ZNF804A: variants seen among roughly 807,000 people sequenced by gnomAD.
The protein encoded by ZNF804A is zinc finger protein 804A.
Under a neutral mutation model 16.5 loss-of-function variants are expected in ZNF804A, and 2 were observed. The observed-to-expected ratio is 0.12, with a 90% CI of 0.05 to 0.38. The LOEUF is 0.38. Among genes scored for constraint, ZNF804A ranks in the 10% least tolerant of loss-of-function variants. The pLI is 0.99. For synonymous variants in ZNF804A, 534 were observed against 489.6 expected, an observed-to-expected ratio of 1.09 and a Z score of -1.20; for missense variants, 1,473 against 1,390.7, an observed-to-expected ratio of 1.06 and a Z score of -0.94.
intron 1 of ZNF804A, among the ~76,000 whole-genome samples, chr2:184,619,660 T>G (rs1461293564): frequency 6.6e-6 from 1 of 152,012 alleles, no homozygotes; most frequent in East Asian, 1.9e-4. Flanking sequence ...ACCTCCATTT[T>G]ATGGATGAAA....
In ZNF804A at chr2:184,668,819, A is replaced by G. The variant is rs72899941; in HGVS notation, c.111+69749A>G. ...AGGATATATTATGTCTATGGAAATA[A>G]TAAGTATAATTTATGAATTTAATTC... On this transcript the variant is annotated intron_variant, in intron 1 of 3. Transcript: ENST00000302277. 6.5e-3 allele frequency among the ~76,000 whole-genome samples: 983 copies of G among 152,136 alleles called. 7 individuals are homozygous for G. The highest frequency in any genetic ancestry group is 0.011 in the Non-Finnish European group (744 of 67,896).
chr2:184,808,486 G>A (rs965085656), intron 1 of ZNF804A, among the ~76,000 whole-genome samples: 1 of 151,504 alleles, frequency 6.6e-6, no homozygotes, highest in East Asian at 1.9e-4. Flanking sequence ...TATATTGAAA[G>A]CGAGATACAG....
rs747839327 is a variant in ZNF804A at position 184,937,313 on chromosome 2, A to G, written c.1917A>G (p.Ser639=). Reference sequence around the variant, plus strand: ...GGAAATATCTATTGGAACCAATTTCAGAAAAGCAGTATTTAGCTGCAGAGC... The same window carrying G: ...GGAAATATCTATTGGAACCAATTTCGGAAAAGCAGTATTTAGCTGCAGAGC... ...NAGKYLLEPI[S]EKQYLAAEQL... Residue 639 remains serine (S), a synonymous_variant, in exon 4 of 4, where the codon TCA becomes TCG. Coordinates refer to ENST00000302277, the MANE Select transcript of ZNF804A (RefSeq NM_194250.2). 5 of 1,613,890 alleles carry G rather than the reference A, an allele frequency of 3.1e-6. No homozygotes were observed. The highest frequency in any genetic ancestry group is 4.2e-6 in the Non-Finnish European group (5 of 1,179,948).
chr2:184,601,058 C>G (rs1360117764), intron 1 of ZNF804A, among the ~76,000 whole-genome samples: 1 of 152,070 alleles, frequency 6.6e-6, no homozygotes, highest in Non-Finnish European at 1.5e-5. Flanking sequence ...GCTAGTCCTT[C>G]CAGATGATTT....
chr2:184,776,744 C>T (rs186556389), intron 1 of ZNF804A, among the ~76,000 whole-genome samples: 1 of 151,358 alleles, frequency 6.6e-6, no homozygotes, highest in Non-Finnish European at 1.5e-5. Context: ...GGAACTAGTA[C>T]CCCAGGGATT....
intron 1 of ZNF804A, among the ~76,000 whole-genome samples, chr2:184,742,031 G>A (rs1196045346): frequency 6.6e-6 from 1 of 151,692 alleles, no homozygotes; most frequent in Non-Finnish European, 1.5e-5. Context: ...TTTATTTTAT[G>A]TTTAGTTTTA....
intron 2 of ZNF804A, among the ~76,000 whole-genome samples, chr2:184,870,005 A>T (rs1695949302): frequency 6.6e-6 from 1 of 151,524 alleles, no homozygotes; most frequent in South Asian, 2.1e-4. Flanking sequence ...CTTTGTTTGA[A>T]TTTTTTTTTA....
At chr2:184,718,406 C>T (rs1437795347) in intron 1 of ZNF804A, among the ~76,000 whole-genome samples, 1 of 152,080 alleles carries the variant, frequency 6.6e-6, no homozygotes, top group Non-Finnish European at 1.5e-5. Context: ...TCATGCCTTC[C>T]CAAGAGTCCC....
intron 1 of ZNF804A, among the ~76,000 whole-genome samples, chr2:184,610,787 C>A (rs1691224092): frequency 6.6e-6 from 1 of 152,138 alleles, no homozygotes; most frequent in Non-Finnish European, 1.5e-5. Flanking sequence ...CCCAATTTAG[C>A]AAGAAAGTCT....
At chr2:184,935,758 C>T in intron 3 of ZNF804A, 25 bp from the exon 4 acceptor site, 1 of 1,541,742 alleles carries the variant, frequency 6.5e-7, no homozygotes, top group Non-Finnish European at 8.7e-7. Flanking sequence ...TGCTATTTAA[C>T]ACATGCTTCT....
rs1262315935 is a variant in ZNF804A at position 184,938,079 on chromosome 2, A to T, written c.2683A>T (p.Thr895Ser). Residue 895 changes from threonine (T) to serine (S), a missense_variant, in exon 4 of 4, where the codon ACT (threonine) becomes TCT (serine). Thr to Ser is a moderately conservative substitution (Grantham distance 58). Transcript: ENST00000302277. ...NLLPSETNGETEHLEMETTSG... is the reference protein window; with the variant it reads ...NLLPSETNGESEHLEMETTSG... ...CCTTCCTTCTGAAACCAATGGTGAAACTGAGCATTTAGAAATGGAGACCAC... is the reference window on the plus strand; with the variant it reads ...CCTTCCTTCTGAAACCAATGGTGAATCTGAGCATTTAGAAATGGAGACCAC... The T allele has an allele frequency of 3.1e-6, 5 of 1,613,994 alleles. No homozygotes were observed. The African/African-American group carries it at 6.7e-5, about 22-fold the overall frequency.
intron 2 of ZNF804A, among the ~76,000 whole-genome samples, chr2:184,900,447 A>G (rs1464190346): frequency 6.6e-6 from 1 of 152,180 alleles, no homozygotes; most frequent in African/African-American, 2.4e-5. Context: ...AGACAGGGGT[A>G]GATCACCACA....
At chr2:184,812,268 C>G (rs1365278786) in intron 1 of ZNF804A, among the ~76,000 whole-genome samples, 4 of 152,228 alleles carry the variant, frequency 2.6e-5, no homozygotes, top group African/African-American at 4.8e-5. Context: ...TCGCCAACCA[C>G]ACATTGTCTG....
At chr2:184,893,774 T>C (rs528370824) in intron 2 of ZNF804A, among the ~76,000 whole-genome samples, 43 of 152,118 alleles carry the variant, frequency 2.8e-4, no homozygotes, top group Non-Finnish European at 5.3e-4. Context: ...GAGATATCAT[T>C]GATGAGAGTG....
rs916984545 is a variant in ZNF804A at position 184,937,525 on chromosome 2, A to G, written c.2129A>G (p.His710Arg). The G allele has an allele frequency of 6.8e-6, 11 of 1,612,314 alleles. No individual in the cohort carries two copies. The highest frequency in any genetic ancestry group is 1.3e-5 in the African/African-American group (1 of 74,940). The change falls in exon 4 of 4, where the codon CAT becomes CGT. Residue 710 changes from histidine (H) to arginine (R), a missense_variant. Transcript: ENST00000302277. ...GGACAATCAAATGCAACAATGATAC[A>G]TTCTGGGAAACATAATTTAACATAT... ...LNGQSNATMI[H>R]SGKHNLTYSR...
At chr2:184,856,040 G>A (rs980732396) in intron 1 of ZNF804A, among the ~76,000 whole-genome samples, 4 of 151,850 alleles carry the variant, frequency 2.6e-5, no homozygotes, top group Non-Finnish European at 5.9e-5. Flanking sequence ...CTGAAGCAAG[G>A]TGATAATAAT....
chr2:184,612,140 T>A (rs1321750874), intron 1 of ZNF804A, among the ~76,000 whole-genome samples: 1 of 152,196 alleles, frequency 6.6e-6, no homozygotes, highest in Non-Finnish European at 1.5e-5. Context: ...AAAGGTCAAC[T>A]GTGATGATAG....
At chr2:184,680,468 C>T (rs1021256544) in intron 1 of ZNF804A, among the ~76,000 whole-genome samples, 2 of 152,220 alleles carry the variant, frequency 1.3e-5, no homozygotes, top group Non-Finnish European at 2.9e-5. Context: ...TGGGTCTCCT[C>T]ACTGCTGAGA....
intron 1 of ZNF804A, among the ~76,000 whole-genome samples, chr2:184,648,389 A>G (rs1056083452): frequency 2.0e-5 from 3 of 152,210 alleles, no homozygotes; most frequent in Non-Finnish European, 2.9e-5. Flanking sequence ...ACTTCTTGAT[A>G]GGATAAAAAT....
Sources: allele counts gnomAD v4.1 joint callset (sites outside exome capture counted in the v4.1 genomes callset), GRCh38; gene constraint gnomAD v4.1.1; transcripts MANE v1.5; gene names NCBI Gene and HGNC (gene_info 2026-07-23, HGNC 2026-07-21).